KMT2B: variants seen among roughly 807,000 people sequenced by gnomAD.
The protein encoded by KMT2B is lysine methyltransferase 2B.
In KMT2B, 22 loss-of-function variants were observed where a neutral mutation model predicts 255.3. The ratio of observed to expected loss-of-function variants is 0.09; its 90% CI spans 0.06 to 0.12. The LOEUF (loss-of-function observed/expected upper bound fraction) is 0.12. Among genes scored for constraint, KMT2B ranks in the 10% least tolerant of loss-of-function variants. The pLI, the probability that KMT2B is intolerant of heterozygous loss-of-function variation, is 1.00. For synonymous variants in KMT2B, 1,730 were observed against 1,498.1 expected (o/e 1.15, Z -3.57); for missense variants, 3,149 against 3,737.0 (o/e 0.84, Z 4.10).
chr19:35,727,308 G>T lies in KMT2B; in HGVS notation c.4117+39G>T. ...GCACCTGGGCTGCAGCCTCAACCCT[G>T]TGGGGACCCCTGCCCCCACCACAGG... On this transcript the variant is annotated intron_variant, in intron 15 of 36. Transcript: ENST00000420124. This position sits in a 1 kb window ranked among gnomAD's most constrained non-coding sequence, Gnocchi z 4.2. 2 of 1,591,654 alleles carry T rather than the reference G, an allele frequency of 1.3e-6. No individual in the cohort carries two copies. The highest frequency in any genetic ancestry group is 1.7e-6 in the Non-Finnish European group (2 of 1,160,452).
rs745710221 is a variant in KMT2B, at chr19:35,732,410, C to T, written c.5861C>T (p.Thr1954Ile). Residue 1954 changes from threonine (T) to isoleucine (I), a missense_variant, in exon 28 of 37, where the codon ACC (threonine) becomes ATC (isoleucine). Physicochemically the swap from Thr to Ile is moderately conservative, Grantham distance 89. This residue lies in a region of KMT2B where 897 missense variants were observed against 825.3 expected (regional missense o/e 1.09). Transcript: ENST00000420124. ...PTSVVTALTPTSGELAPPGPA... is the reference protein window; with the variant it reads ...PTSVVTALTPISGELAPPGPA... ...TCAGTCGTCACAGCCCTCACACCTA[C>T]CTCAGGGGAGCTGGCTCCCCCTGGC... 1.9e-6 allele frequency: 3 copies of T among 1,613,630 alleles called. No individual in the cohort carries two copies. The highest frequency in any genetic ancestry group is 2.5e-6 in the Non-Finnish European group (3 of 1,179,696).
At position 35,727,611 on chromosome 19, in the gene KMT2B, C is replaced by T. The variant is rs563188089; in HGVS notation, c.4291C>T (p.Leu1431Phe). 1.4e-5 allele frequency: 23 copies of T among 1,608,368 alleles called. No homozygotes were observed. In the South Asian group the frequency reaches 2.1e-4, roughly 15 times the overall value. Residue 1431 changes from leucine (L) to phenylalanine (F), a missense_variant, in exon 16 of 37, where the codon CTC becomes TTC. Physicochemically the swap from Leu to Phe is conservative, Grantham distance 22. This residue lies in a region of KMT2B where 377 missense variants were observed against 471.0 expected (regional missense o/e 0.80). Coordinates refer to ENST00000420124, the MANE Select transcript of KMT2B (RefSeq NM_014727.3). This position sits in a 1 kb window ranked among gnomAD's most constrained non-coding sequence, Gnocchi z 4.2. Reference sequence around the variant, plus strand: ...CTCCAAGGTGGTGGGCCCACTGCTGCTCTGCACCCAGGTCTGGAGGGCCCT... The same window carrying T: ...CTCCAAGGTGGTGGGCCCACTGCTGTTCTGCACCCAGGTCTGGAGGGCCCT... ...LSSKVVGPLL[L>F]CTQCGPDGKQ...
chr19:35,734,245 C>T (rs761272313), intron 30 of KMT2B, among the ~76,000 whole-genome samples: 2 of 151,900 alleles, frequency 1.3e-5, no homozygotes, highest in Non-Finnish European at 2.9e-5. Context: ...GGGTCAGGGA[C>T]AGTGGGAAGA....
At position 35,737,739 on chromosome 19, in the gene KMT2B, A is replaced by G. The variant is rs1203293378; in HGVS notation, c.7654A>G (p.Thr2552Ala). ...AGAGGATGAGGTGCAGCTCAGGTCA[A>G]CCAGGTATGGAGTGTGAGCTGGGGG... The part of the protein sequence containing the change: ...EEEDEVQLRS[T>A]RRATSLELPM... The change falls in exon 34 of 37, where the codon ACC becomes GCC. Residue 2552 changes from threonine (T) to alanine (A), a missense_variant. By Grantham distance (58) the Thr-to-Ala change is moderately conservative. Transcript: ENST00000420124. The surrounding 1 kb of genome is among the most constrained non-coding windows in gnomAD (Gnocchi z 5.3). The G allele has an allele frequency of 1.9e-6, 3 of 1,576,366 alleles. No homozygotes were observed. Among genetic ancestry groups the G allele is most frequent in the South Asian group, 2.3e-5 (2 of 85,914 alleles).
rs763761852 is a variant in KMT2B, at chr19:35,737,848, T to A, written c.7659-11T>A. ...AGCACCAGCCTGGGTGACACTGCTGTCCCTCACCAGACGTGCCACCAGCCT... is the reference window on the plus strand; with the variant it reads ...AGCACCAGCCTGGGTGACACTGCTGACCCTCACCAGACGTGCCACCAGCCT... On this transcript the variant is annotated splice_polypyrimidine_tract_variant and intron_variant, in intron 34 of 36. Transcript: ENST00000420124. This position sits in a 1 kb window ranked among gnomAD's most constrained non-coding sequence, Gnocchi z 5.3. The A allele has an allele frequency of 1.9e-6, 3 of 1,563,132 alleles. No homozygotes were observed. The East Asian group carries it at 7.1e-5, about 37-fold the overall frequency.
rs1444173259 is a variant in KMT2B, at chr19:35,727,973, G to A, written c.4485G>A (p.Gly1495=). 8.9e-6 allele frequency: 14 copies of A among 1,569,800 alleles called. 1 individual carries two copies. In the Middle Eastern group the frequency reaches 2.0e-3, roughly 224 times the overall value. The change falls in exon 18 of 37, where the codon GGG becomes GGA. Residue 1495 remains glycine, a synonymous_variant. Coordinates refer to ENST00000420124, the MANE Select transcript of KMT2B (RefSeq NM_014727.3). The surrounding 1 kb of genome is among the most constrained non-coding windows in gnomAD (Gnocchi z 4.2). ...GCCGGGCTGGAGGCCAGATGAAGGG[G>A]CTCCTGCTGAAGGTGAGCTCTTCCG... ...PDRRAGGQMK[G]LLLKLLESAF... is the part of the protein sequence containing the mutation.
Position 35,737,766 on chromosome 19 carries a change from C to T in KMT2B, c.7658+23C>T, listed in dbSNP as rs73590598. The T allele has an allele frequency of 0.095, 147,626 of 1,551,758 alleles. 7,608 individuals are homozygous for T. The highest frequency in any genetic ancestry group is 0.11 in the South Asian group (9,313 of 84,448). On this transcript the variant is annotated intron_variant, in intron 34 of 36. Transcript: ENST00000420124. This position sits in a 1 kb window ranked among gnomAD's most constrained non-coding sequence, Gnocchi z 5.3. The stretch of plus-strand genomic sequence containing the variant: ...CAGGTATGGAGTGTGAGCTGGGGGG[C>T]GGGTGGTGGTCTGGAAGGGTCTTAG...
In KMT2B at chr19:35,723,007, C is replaced by A; in HGVS notation, c.2735C>A (p.Ala912Glu). 1.3e-6 allele frequency: 2 copies of A among 1,598,976 alleles called. No individual in the cohort carries two copies. The highest frequency in any genetic ancestry group is 1.7e-6 in the Non-Finnish European group (2 of 1,170,786). ...CCTGCTGCAATAGATACATCATCGG[C>A]GTCCGAGACTGAGAGTGTCCCGTCA... is the stretch of plus-strand genomic sequence containing the variant. ...QDLATEDTSS[A>E]SETESVPSRS... Residue 912 changes from alanine to glutamate, a missense_variant, in exon 6 of 37, where the codon GCG becomes GAG. Transcript: ENST00000420124. The surrounding 1 kb of genome is among the most constrained non-coding windows in gnomAD (Gnocchi z 7.5).
In KMT2B at chr19:35,727,066, C is replaced by A; in HGVS notation, c.4004-90C>A. The A allele has an allele frequency of 1.2e-6, 1 of 825,636 alleles. No homozygotes were observed. The highest frequency in any genetic ancestry group is 2.0e-6 in the Non-Finnish European group (1 of 510,140). 51.1% of individuals were successfully genotyped at this position (825,636 alleles called of 1,614,324 possible). On this transcript the variant is annotated intron_variant, in intron 14 of 36. Coordinates refer to ENST00000420124, the MANE Select transcript of KMT2B (RefSeq NM_014727.3). This position sits in a 1 kb window ranked among gnomAD's most constrained non-coding sequence, Gnocchi z 4.2. The stretch of plus-strand genomic sequence containing the variant: ...GCCCAAAACAGGGGCATAGTGGAGG[C>A]AGCTAAGGTACTGCTAATCCTTGAA...
rs758343219 is a variant in KMT2B at position 35,733,696 on chromosome 19, C to T, written c.7049+10C>T. On this transcript the variant is annotated intron_variant, in intron 29 of 36. Coordinates refer to ENST00000420124, the MANE Select transcript of KMT2B (RefSeq NM_014727.3). The surrounding 1 kb of genome is among the most constrained non-coding windows in gnomAD (Gnocchi z 4.3). ...GGGAAGAAAGTCCTGGGTGAGTGGC[C>T]AGGCCCCTCTCCCTGGAGGGTCTGG... 2 of 1,604,390 alleles carry T rather than the reference C, an allele frequency of 1.2e-6. No individual in the cohort carries two copies. The highest frequency in any genetic ancestry group is 1.1e-5 in the South Asian group (1 of 89,572).
chr19:35,733,152 T>G lies in KMT2B; in HGVS notation c.6603T>G (p.Phe2201Leu), dbSNP rs1477495376. 1.9e-6 allele frequency: 3 copies of G among 1,581,574 alleles called. No homozygotes were observed. Among genetic ancestry groups the G allele is most frequent in the African/African-American group, 1.4e-5 (1 of 74,032 alleles). ...IILVNKLGQV[F>L]VKMAGEGEPV... The stretch of plus-strand genomic sequence containing the variant: ...TTGTCAACAAGCTGGGGCAAGTATT[T>G]GTGAAGATGGCTGGGGAGGGTGAAC... The change falls in exon 28 of 37, where the codon TTT becomes TTG. Residue 2201 changes from phenylalanine to leucine, a missense_variant. Phe to Leu is a conservative substitution (Grantham distance 22). Coordinates refer to ENST00000420124, the MANE Select transcript of KMT2B (RefSeq NM_014727.3). This position sits in a 1 kb window ranked among gnomAD's most constrained non-coding sequence, Gnocchi z 4.3.
In KMT2B at chr19:35,730,808, C is replaced by T. The variant is rs1355521788; in HGVS notation, c.5378C>T (p.Ala1793Val). The T allele has an allele frequency of 1.2e-6, 2 of 1,613,624 alleles. No individual in the cohort carries two copies. Among genetic ancestry groups the T allele is most frequent in the Admixed American group, 1.7e-5 (1 of 59,960 alleles). The change falls in exon 26 of 37, where the codon GCT (alanine) becomes GTT (valine). Residue 1793 changes from alanine to valine, a missense_variant. This residue lies in a region of KMT2B where 34 missense variants were observed against 51.6 expected (regional missense o/e 0.66). Coordinates refer to ENST00000420124, the MANE Select transcript of KMT2B (RefSeq NM_014727.3). ...YRPWGPREEP[A>V]HLEAAEENQT... ...CCATGGGGGCCGAGGGAAGAGCCAG[C>T]TCACCTGGAGGCTGCAGAGGAGAAC...
In KMT2B at chr19:35,736,722, T is replaced by C; in HGVS notation, c.7192T>C (p.Ser2398Pro). The change falls in exon 31 of 37, where the codon TCC becomes CCC. Residue 2398 changes from serine to proline, a missense_variant. By Grantham distance (74) the Ser-to-Pro change is moderately conservative. Transcript: ENST00000420124. ...TTCGAGCTCTGAGGAAGAGCCTCCA[T>C]CCCCAGATGATAAAGAGAACCAGGC... ...EASSSEEEPP[S>P]PDDKENQAPK... The C allele has an allele frequency of 6.2e-7, 1 of 1,613,868 alleles. No homozygotes were observed. The highest frequency in any genetic ancestry group is 8.5e-7 in the Non-Finnish European group (1 of 1,179,846).
chr19:35,736,570 T>C (rs1969924949), intron 30 of KMT2B, 120 bp from the exon 31 acceptor site: 1 of 1,199,070 alleles, frequency 8.3e-7, no homozygotes. Flanking sequence ...CATTAGACCC[T>C]AGTATCTGTG....
chr19:35,735,364 T>G (rs955872410), intron 30 of KMT2B: 3 of 152,270 alleles, frequency 2.0e-5, no homozygotes, highest in African/African-American at 4.8e-5. Context: ...CCACACCTGC[T>G]TGAGCAGCAG....
Position 35,737,796 on chromosome 19 carries a change from T to A in KMT2B, c.7658+53T>A, listed in dbSNP as rs1969978039. 4 of 1,546,472 alleles carry A rather than the reference T, an allele frequency of 2.6e-6. No homozygotes were observed. The highest frequency in any genetic ancestry group is 2.7e-5 in the African/African-American group (2 of 72,910). On this transcript the variant is annotated intron_variant, in intron 34 of 36. Coordinates refer to ENST00000420124, the MANE Select transcript of KMT2B (RefSeq NM_014727.3). This position sits in a 1 kb window ranked among gnomAD's most constrained non-coding sequence, Gnocchi z 5.3. ...GGTGGTCTGGAAGGGTCTTAGAGAGTGAGCAGGGGTGAGAGAGGTCATTCT... is the reference window on the plus strand; with the variant it reads ...GGTGGTCTGGAAGGGTCTTAGAGAGAGAGCAGGGGTGAGAGAGGTCATTCT...
chr19:35,718,791 A>C lies in KMT2B; in HGVS notation c.363+410A>C, dbSNP rs1390665368. ...TGTGGGCCGCCCCGCCGGGCCTCGC[A>C]ACCTCCTGGTTTCTCCAGGGCCCCA... On this transcript the variant is annotated intron_variant, in intron 1 of 36. Transcript: ENST00000420124. The surrounding 1 kb of genome is among the most constrained non-coding windows in gnomAD (Gnocchi z 5.0). 1.3e-5 allele frequency among the ~76,000 whole-genome samples: 2 copies of C among 152,170 alleles called. No homozygotes were observed. The highest frequency in any genetic ancestry group is 2.9e-5 in the Non-Finnish European group (2 of 68,022).
rs190688235 is a variant in KMT2B, at chr19:35,727,114, G to A, written c.4004-42G>A. 7.1e-7 allele frequency: 1 copy of A among 1,407,566 alleles called. No individual in the cohort carries two copies. Among genetic ancestry groups the A allele is most frequent in the South Asian group, 1.2e-5 (1 of 81,828 alleles). 87.2% of individuals were successfully genotyped at this position (1,407,566 alleles called of 1,614,324 possible). A position where few individuals can be genotyped will look rare whatever the true frequency, so the allele number is the denominator to read the frequency against. On this transcript the variant is annotated intron_variant, in intron 14 of 36. Transcript: ENST00000420124. The surrounding 1 kb of genome is among the most constrained non-coding windows in gnomAD (Gnocchi z 4.2). The stretch of plus-strand genomic sequence containing the variant: ...GAACAGAGACACTCAGGGCTGAGTG[G>A]GAACTCCAGCACCTCTGACTCCTTC...
rs1027250597 is a variant in KMT2B, at chr19:35,723,956, T to C, written c.3283T>C (p.Ser1095Pro). ...SYDIFEDSDD[S>P]EPGGPPAPRR... is the part of the protein sequence containing the mutation. Reference sequence around the variant, plus strand: ...TGATATCTTCGAGGATTCGGATGACTCGGAGCCCGGGGGCCCCCCTGCTCC... The same window carrying C: ...TGATATCTTCGAGGATTCGGATGACCCGGAGCCCGGGGGCCCCCCTGCTCC... The change falls in exon 8 of 37, where the codon TCG (serine) becomes CCG (proline). Residue 1095 changes from serine to proline, a missense_variant. Physicochemically the swap from Ser to Pro is moderately conservative, Grantham distance 74. Around this residue, in one of 18 missense-constraint regions of KMT2B, gnomAD observed 136 missense variants for 137.3 expected, o/e 0.99. Transcript: ENST00000420124. This position sits in a 1 kb window ranked among gnomAD's most constrained non-coding sequence, Gnocchi z 7.5. 15 of 1,610,996 alleles carry C rather than the reference T, an allele frequency of 9.3e-6. No individual in the cohort carries two copies. The highest frequency in any genetic ancestry group is 1.3e-5 in the African/African-American group (1 of 74,884).
Sources: allele counts gnomAD v4.1 joint callset (sites outside exome capture counted in the v4.1 genomes callset), GRCh38; gene constraint gnomAD v4.1.1; regional missense constraint gnomAD v4.1.1; non-coding constraint Gnocchi (gnomAD v3.1); transcripts MANE v1.5; gene names NCBI Gene and HGNC (gene_info 2026-07-23, HGNC 2026-07-21).